ADGRA2: variants seen among roughly 807,000 people sequenced by gnomAD.
The protein encoded by ADGRA2 is adhesion G protein-coupled receptor A2, also known as G-protein coupled receptor 124.
A neutral mutation model predicts 98.7 loss-of-function variants in ADGRA2; 61 were observed. The ratio of observed to expected loss-of-function variants is 0.62; its 90% CI spans 0.50 to 0.76. ADGRA2 has a LOEUF of 0.76. Among genes scored for constraint, ADGRA2 ranks in the 30% least tolerant of loss-of-function variants. ADGRA2 has a pLI of 0.00. For synonymous variants in ADGRA2, 858 were observed against 831.5 expected (o/e 1.03, Z -0.55); for missense variants, 1,712 against 1,860.0 (o/e 0.92, Z 1.46).
At chr8:37,838,134 A>G (rs1234682651) in intron 14 of ADGRA2, among the ~76,000 whole-genome samples, 195 bp downstream of exon 14, 1 of 152,220 alleles carries the variant, frequency 6.6e-6, no homozygotes, top group Admixed American at 6.5e-5. Flanking sequence ...TTCAGGAGAC[A>G]GGGAGGTCCG....
In ADGRA2 at chr8:37,835,632, C is replaced by A; in HGVS notation, c.1912C>A (p.Pro638Thr). ...TCCGGCTGCCCTGGCTCCCCCGGTG[C>A]CCCCAGACTGCACCCTGCAACTGCT... ...SLPAALAPPV[P>T]PDCTLQLLVF... The change falls in exon 13 of 19, where the codon CCC becomes ACC. Residue 638 changes from proline to threonine, a missense_variant. By Grantham distance (38) the Pro-to-Thr change is conservative. Transcript: ENST00000412232. The A allele has an allele frequency of 6.2e-7, 1 of 1,612,962 alleles. No individual in the cohort carries two copies. The highest frequency in any genetic ancestry group is 2.2e-5 in the East Asian group (1 of 44,868).
At chr8:37,809,552 A>G (rs1206368446) in intron 1 of ADGRA2, among the ~76,000 whole-genome samples, 2 of 152,220 alleles carry the variant, frequency 1.3e-5, no homozygotes, top group Non-Finnish European at 2.9e-5. Context: ...GGTCTTTCCA[A>G]GAGCTAGAAA....
chr8:37,841,737 C>T lies in ADGRA2; in HGVS notation c.3399C>T (p.Pro1133=), dbSNP rs1805802129. The change falls in exon 19 of 19, where the codon CCC becomes CCT. Residue 1133 remains proline, a synonymous_variant. Transcript: ENST00000412232. This position sits in a 1 kb window ranked among gnomAD's most constrained non-coding sequence, Gnocchi z 5.0. Reference sequence around the variant, plus strand: ...GCGGCCATCCGCTGGCTCTGGGCCCCTGCAAGCTCACCAACCTGCAGCTGG... The same window carrying T: ...GCGGCCATCCGCTGGCTCTGGGCCCTTGCAAGCTCACCAACCTGCAGCTGG... ...GSSGHPLALG[P]CKLTNLQLAQ... is the part of the protein sequence containing the mutation. The T allele has an allele frequency of 6.5e-7, 1 of 1,542,014 alleles. No homozygotes were observed.
intron 13 of ADGRA2, among the ~76,000 whole-genome samples, chr8:37,836,646 C>T (rs1805624353): frequency 6.6e-6 from 1 of 152,214 alleles, no homozygotes; most frequent in Non-Finnish European, 1.5e-5. Flanking sequence ...CTCTGGCCCC[C>T]ACACCTCCAC....
intron 14 of ADGRA2, 83 bp from the exon 15 acceptor site, chr8:37,838,873 C>T (rs1047000751): frequency 3.9e-5 from 57 of 1,470,150 alleles, no homozygotes; most frequent in East Asian, 1.2e-4. Flanking sequence ...CCAAGGCTGA[C>T]GGGGCCTGGG....
intron 1 of ADGRA2, among the ~76,000 whole-genome samples, chr8:37,812,741 T>C (rs1281279053): frequency 6.6e-6 from 1 of 151,858 alleles, no homozygotes; most frequent in African/African-American, 2.4e-5. Flanking sequence ...CATAGCTCAC[T>C]GCAGCCTCGA....
At chr8:37,804,188 G>T (rs1804595542) in intron 1 of ADGRA2, among the ~76,000 whole-genome samples, 1 of 148,618 alleles carries the variant, frequency 6.7e-6, no homozygotes, top group African/African-American at 2.5e-5. Context: ...AGACCCCAGG[G>T]CTCCTGCCTC....
In ADGRA2 at chr8:37,831,553, G is replaced by A. The variant is rs148701575; in HGVS notation, c.1063G>A (p.Ala355Thr). 6.0e-3 allele frequency: 9,675 copies of A among 1,613,786 alleles called. 42 individuals are homozygous for A. The highest frequency in any genetic ancestry group is 0.015 in the South Asian group (1,366 of 91,078). ...VLETSASYCP[A>T]ERVANNRGDF... ...GGAGACCTCTGCCTCCTACTGCCCC[G>A]CCGAGCGTGTTGCCAACAACCGCGG... The change falls in exon 8 of 19, where the codon GCC becomes ACC. Residue 355 changes from alanine to threonine, a missense_variant. By Grantham distance (58) the Ala-to-Thr change is moderately conservative. Coordinates refer to ENST00000412232, the MANE Select transcript of ADGRA2 (RefSeq NM_032777.10).
In ADGRA2 at chr8:37,831,564, T is replaced by A; in HGVS notation, c.1074T>A (p.Val358=). Reference sequence around the variant, plus strand: ...CCTCCTACTGCCCCGCCGAGCGTGTTGCCAACAACCGCGGGGACTTCAGGT... The same window carrying A: ...CCTCCTACTGCCCCGCCGAGCGTGTAGCCAACAACCGCGGGGACTTCAGGT... ...TSASYCPAER[V]ANNRGDFRWP... The change falls in exon 8 of 19, where the codon GTT becomes GTA. Residue 358 remains valine, a synonymous_variant. Transcript: ENST00000412232. 1 of 1,613,848 alleles carries A rather than the reference T, an allele frequency of 6.2e-7. No homozygotes were observed. The highest frequency in any genetic ancestry group is 1.1e-5 in the South Asian group (1 of 91,082).
At chr8:37,813,076 G>T (rs13275714) in intron 1 of ADGRA2, among the ~76,000 whole-genome samples, 4,382 of 152,120 alleles carry the variant, frequency 0.029, 77 homozygotes, top group East Asian at 0.08. Context: ...TAAAGTCAGA[G>T]CCTGTCACCT....
At chr8:37,838,468 A>G (rs1414538306) in intron 14 of ADGRA2, among the ~76,000 whole-genome samples, 1 of 151,958 alleles carries the variant, frequency 6.6e-6, no homozygotes, top group East Asian at 1.9e-4. Context: ...GGCCAGGCTG[A>G]TCTCAAACTC....
At position 37,839,580 on chromosome 8, in the gene ADGRA2, G is replaced by T. The variant is rs760336321; in HGVS notation, c.2469G>T (p.Ala823=). The T allele has an allele frequency of 6.2e-7, 1 of 1,614,088 alleles. No individual in the cohort carries two copies. The highest frequency in any genetic ancestry group is 8.5e-7 in the Non-Finnish European group (1 of 1,179,992). Residue 823 remains alanine (A), a synonymous_variant, in exon 16 of 19, where the codon GCG becomes GCT. Transcript: ENST00000412232. ...FHIAMTSAVF[A]GGITLTNYQM... is the part of the protein sequence containing the mutation. ...TAGCCATGACCTCTGCTGTCTTTGC[G>T]GGGGGCATCACACTCACCAACTACC...
rs553995306 is a variant in ADGRA2, at chr8:37,834,464, C to T, written c.1608+336C>T. ...GATTGAGTGAAGAGTAATGGAAGTT[C>T]CCTGAGAGAAGGTGAGTGCTCCAAT... On this transcript the variant is annotated intron_variant, in intron 11 of 18. Transcript: ENST00000412232. The surrounding 1 kb of genome is among the most constrained non-coding windows in gnomAD (Gnocchi z 4.2). Among the ~76,000 whole-genome samples, 47 of 152,308 alleles carry T rather than the reference C, an allele frequency of 3.1e-4. No homozygotes were observed. The highest frequency in any genetic ancestry group is 1.1e-3 in the African/African-American group (44 of 41,574).
chr8:37,837,347 C>T (rs13261896), intron 13 of ADGRA2, among the ~76,000 whole-genome samples: 8 of 152,058 alleles, frequency 5.3e-5, no homozygotes, highest in Non-Finnish European at 1.2e-4. Context: ...CTAGTCCTCT[C>T]TCCATCCCGC....
intron 7 of ADGRA2, 107 bp downstream of exon 7, chr8:37,831,030 C>A: frequency 3.9e-6 from 3 of 768,872 alleles, no homozygotes; most frequent in Non-Finnish European, 6.3e-6. Flanking sequence ...TCCCGGGAGA[C>A]TGTGCTTGTA....
intron 2 of ADGRA2, among the ~76,000 whole-genome samples, chr8:37,825,961 T>C (rs1449230754): frequency 6.6e-6 from 1 of 151,962 alleles, no homozygotes; most frequent in African/African-American, 2.4e-5. Context: ...GAGGTGGAGG[T>C]GCCCTCTCCA....
At chr8:37,821,950 C>T (rs894299483) in intron 2 of ADGRA2, among the ~76,000 whole-genome samples, 3 of 152,108 alleles carry the variant, frequency 2.0e-5, no homozygotes, top group Non-Finnish European at 4.4e-5. Flanking sequence ...GTCCCTCCTC[C>T]CCTCCCCGTC....
At chr8:37,838,049 C>A in intron 14 of ADGRA2, 110 bp downstream of exon 14, 1 of 940,736 alleles carries the variant, frequency 1.1e-6, no homozygotes, top group Non-Finnish European at 1.5e-6. Context: ...ACAGAAAGGA[C>A]TGCAGCCCTA....
At chr8:37,838,250 A>ATTTTT (rs11335728) in intron 14 of ADGRA2, among the ~76,000 whole-genome samples, 26 of 129,736 alleles carry the variant, frequency 2.0e-4, no homozygotes, top group African/African-American at 7.7e-4. Flanking sequence ...CTGAGACCAG[A>ATTTTT]TTTTTTTTTT....
Sources: allele counts gnomAD v4.1 joint callset (sites outside exome capture counted in the v4.1 genomes callset), GRCh38; gene constraint gnomAD v4.1.1; non-coding constraint Gnocchi (gnomAD v3.1); transcripts MANE v1.5; gene names NCBI Gene and HGNC (gene_info 2026-07-23, HGNC 2026-07-21).